The following PRKRIP1 variants were observed in gnomAD, a reference collection of about 807,000 sequenced individuals.
PRKRIP1 encodes PRKR interacting protein 1.
PRKRIP1 carries 29 observed loss-of-function variants against 29.3 expected under a neutral mutation model. The ratio of observed to expected loss-of-function variants is 0.99; its 90% CI spans 0.74 to 1.35. The LOEUF is 1.35. PRKRIP1 is among the 40% of genes most tolerant of loss of function. The pLI is 0.00. For synonymous variants in PRKRIP1, 90 were observed against 85.1 expected (o/e 1.06, Z -0.32); for missense variants, 247 against 236.8 (o/e 1.04, Z -0.28).
At chr7:102,400,775 A>G (rs1055606627) in intron 3 of PRKRIP1, among the ~76,000 whole-genome samples, 3 of 152,080 alleles carry the variant, frequency 2.0e-5, no homozygotes, top group African/African-American at 4.8e-5. Context: ...AGCTGGGACT[A>G]TAGGCACAAC....
chr7:102,415,742 G>A (rs782409004), intron 5 of PRKRIP1, among the ~76,000 whole-genome samples: 9 of 152,240 alleles, frequency 5.9e-5, no homozygotes, highest in Non-Finnish European at 1.0e-4. Flanking sequence ...GGCACCATGC[G>A]GTGATGGCAC....
chr7:102,416,122 G>GC (rs1452851894), intron 5 of PRKRIP1, among the ~76,000 whole-genome samples: 3 of 152,238 alleles, frequency 2.0e-5, no homozygotes, highest in African/African-American at 7.2e-5. Flanking sequence ...CTGCCAGCCT[G>GC]CCCCATGGGG....
chr7:102,422,432 A>T (rs1158020195), intron 5 of PRKRIP1, among the ~76,000 whole-genome samples: 2 of 148,094 alleles, frequency 1.4e-5, no homozygotes, highest in African/African-American at 5.0e-5. Context: ...TCCACCTCCC[A>T]CCCCCGGTTC....
intron 5 of PRKRIP1, among the ~76,000 whole-genome samples, chr7:102,418,150 A>G (rs1033766135): frequency 6.6e-6 from 1 of 151,514 alleles, no homozygotes; most frequent in Non-Finnish European, 1.5e-5. Flanking sequence ...CCCGGGTTCA[A>G]GCAATTCTCC....
intron 4 of PRKRIP1, among the ~76,000 whole-genome samples, chr7:102,405,532 C>G (rs1242916626): frequency 6.6e-6 from 1 of 152,148 alleles, no homozygotes; most frequent in Non-Finnish European, 1.5e-5. Context: ...GGGGCTGAGG[C>G]TGCAGTGAGT....
chr7:102,403,875 A>T (rs1796136518), intron 3 of PRKRIP1, among the ~76,000 whole-genome samples: 1 of 152,156 alleles, frequency 6.6e-6, no homozygotes, highest in South Asian at 2.1e-4. Flanking sequence ...CTGCTTTAGA[A>T]TCAGTCATTT....
chr7:102,399,537 T>C lies in PRKRIP1; in HGVS notation c.206-11T>C. On this transcript the variant is annotated splice_polypyrimidine_tract_variant and intron_variant, in intron 2 of 5. Transcript: ENST00000397912. ...AATTTCATCTAGAACTGTGGACTGT[T>C]CTGGCTACAGGTTCAAGTGCTGGGG... The C allele has an allele frequency of 1.9e-6, 3 of 1,611,192 alleles. No individual in the cohort carries two copies. Among genetic ancestry groups the C allele is most frequent in the Non-Finnish European group, 2.5e-6 (3 of 1,177,364 alleles).
At chr7:102,409,531 G>A (rs1796321451) in intron 5 of PRKRIP1, among the ~76,000 whole-genome samples, 1 of 151,900 alleles carries the variant, frequency 6.6e-6, no homozygotes. Flanking sequence ...TCTACAAACA[G>A]TAAAAAATCA....
At chr7:102,405,595 T>A (rs1796192575) in intron 4 of PRKRIP1, 1 of 153,630 alleles carries the variant, frequency 6.5e-6, no homozygotes, top group African/African-American at 2.4e-5. Context: ...ACCCTGTCTC[T>A]ACAATAATAA....
intron 5 of PRKRIP1, among the ~76,000 whole-genome samples, chr7:102,411,709 T>C (rs1428449013): frequency 2.6e-5 from 4 of 151,952 alleles, no homozygotes; most frequent in African/African-American, 9.7e-5. Context: ...AATTTTTGTG[T>C]AATCACCATA....
At chr7:102,422,923 TCCG>T in intron 5 of PRKRIP1, 1 of 12,658 alleles carries the variant, frequency 7.9e-5, no homozygotes, top group African/African-American at 3.2e-4. Flanking sequence ...TCTGGAAACA[TCCG>T]AAACATCCGA....
At chr7:102,403,526 T>C (rs975659619) in intron 3 of PRKRIP1, among the ~76,000 whole-genome samples, 3 of 152,200 alleles carry the variant, frequency 2.0e-5, no homozygotes, top group African/African-American at 7.2e-5. Context: ...TGAGACAGTC[T>C]CCCTCTGCCG....
chr7:102,424,812 G>A (rs1796791634), intron 5 of PRKRIP1, among the ~76,000 whole-genome samples: 1 of 152,144 alleles, frequency 6.6e-6, no homozygotes, highest in Non-Finnish European at 1.5e-5. Flanking sequence ...ACCCGTGAGA[G>A]CAGTGGTAGA....
Position 102,411,627 on chromosome 7 carries a change from C to T in PRKRIP1, c.457+4129C>T, listed in dbSNP as rs897268518. Among the ~76,000 whole-genome samples the T allele has an allele frequency of 5.3e-5, 8 of 152,150 alleles. No individual in the cohort carries two copies. The East Asian group carries it at 7.7e-4, about 15-fold the overall frequency. ...CTTGAACTCCTCACCTAAGGTGATC[C>T]GCCCACCTCAGCCTCCCAAAGTGCT... is the stretch of plus-strand genomic sequence containing the variant. On this transcript the variant is annotated intron_variant, in intron 5 of 5. Coordinates refer to ENST00000397912, the MANE Select transcript of PRKRIP1 (RefSeq NM_024653.4).
intron 5 of PRKRIP1, among the ~76,000 whole-genome samples, chr7:102,417,682 C>T (rs1317801937): frequency 1.3e-5 from 2 of 148,632 alleles, no homozygotes; most frequent in Non-Finnish European, 3.0e-5. Context: ...GCAGTGGCAC[C>T]ATCATAGCTC....
In PRKRIP1 at chr7:102,396,452, C is replaced by T; in HGVS notation, c.41C>T (p.Pro14Leu). 1.2e-6 allele frequency: 2 copies of T among 1,607,002 alleles called. No individual in the cohort carries two copies. Among genetic ancestry groups the T allele is most frequent in the South Asian group, 1.1e-5 (1 of 90,816 alleles). The stretch of plus-strand genomic sequence containing the variant: ...GCCTCCTCGGTGCGACCACCGAGGC[C>T]CAAGAAAGAGCCGCAGACGCTCGTC... Reference protein sequence around the residue: ...PAASSVRPPRPKKEPQTLVIP... With the variant: ...PAASSVRPPRLKKEPQTLVIP... The change falls in exon 1 of 6, where the codon CCC (proline) becomes CTC (leucine). Residue 14 changes from proline to leucine, a missense_variant. Transcript: ENST00000397912.
chr7:102,423,347 C>G (rs1433033162), intron 5 of PRKRIP1: 3 of 369,966 alleles, frequency 8.1e-6, no homozygotes, highest in South Asian at 3.9e-5. Flanking sequence ...AACTCCTGAC[C>G]TCGTGATCCA....
intron 3 of PRKRIP1, among the ~76,000 whole-genome samples, chr7:102,401,723 A>T (rs545972213): frequency 8.5e-5 from 13 of 152,170 alleles, no homozygotes; most frequent in Non-Finnish European, 1.6e-4. Context: ...ACAAGAGTGA[A>T]ACTCTGTCTC....
chr7:102,401,171 T>C (rs1563612675), intron 3 of PRKRIP1, among the ~76,000 whole-genome samples: 1 of 152,050 alleles, frequency 6.6e-6, no homozygotes, highest in Non-Finnish European at 1.5e-5. Context: ...AAATGAGGCT[T>C]GGAAACAGGA....
Sources: gnomAD v4.1 joint callset for allele counts (sites outside exome capture counted in the v4.1 genomes callset) on GRCh38, gnomAD v4.1.1 for gene constraint, MANE v1.5 for transcripts, NCBI Gene and HGNC (gene_info 2026-07-23, HGNC 2026-07-21) for gene names.